PDGFD: variants seen among roughly 807,000 people sequenced by gnomAD.
The protein encoded by PDGFD is platelet derived growth factor D.
Under a neutral mutation model 44.7 loss-of-function variants are expected in PDGFD, and 30 were observed. The ratio of observed to expected loss-of-function variants is 0.67; its 90% CI spans 0.50 to 0.91. PDGFD has a LOEUF of 0.91. Among genes scored for constraint, PDGFD ranks in the 40% least tolerant of loss-of-function variants. PDGFD has a pLI of 0.00. For missense variants in PDGFD, 445 were observed against 457.8 expected (o/e 0.97, Z 0.25); for synonymous variants, 173 against 168.4 (o/e 1.03, Z -0.21).
chr11:104,015,016 T>G (rs1859839928), intron 1 of PDGFD, among the ~76,000 whole-genome samples: 1 of 152,226 alleles, frequency 6.6e-6, no homozygotes. Context: ...GGTCAAGTTC[T>G]CAATTCCTCT....
chr11:103,957,908 G>A (rs1858881776), intron 3 of PDGFD, among the ~76,000 whole-genome samples: 1 of 152,110 alleles, frequency 6.6e-6, no homozygotes, highest in Non-Finnish European at 1.5e-5. Flanking sequence ...ATGGTGTTTG[G>A]TGTATGGTGT....
intron 3 of PDGFD, among the ~76,000 whole-genome samples, chr11:103,984,808 AT>A (rs1188408562): frequency 6.9e-6 from 1 of 144,190 alleles, no homozygotes; most frequent in Admixed American, 7.2e-5. Flanking sequence ...TATTTAATAT[AT>A]TTATATTTAT....
At chr11:104,069,202 A>G (rs1438638719) in intron 1 of PDGFD, among the ~76,000 whole-genome samples, 1 of 152,200 alleles carries the variant, frequency 6.6e-6, no homozygotes, top group Non-Finnish European at 1.5e-5. Context: ...TGAAGAGCAC[A>G]GGTCAATTAT....
At chr11:104,013,739 T>G (rs1161334412) in intron 1 of PDGFD, among the ~76,000 whole-genome samples, 2 of 152,052 alleles carry the variant, frequency 1.3e-5, no homozygotes, top group African/African-American at 4.8e-5. Context: ...TTTTTGTTTT[T>G]CAATAGGTAG....
At chr11:103,917,271 A>G (rs1858141943) in intron 6 of PDGFD, among the ~76,000 whole-genome samples, 3 of 152,184 alleles carry the variant, frequency 2.0e-5, no homozygotes, top group African/African-American at 7.2e-5. Flanking sequence ...TTAAATCAAT[A>G]AGTATATCAT....
chr11:103,919,081 G>A (rs1425259189), intron 6 of PDGFD, among the ~76,000 whole-genome samples: 1 of 152,120 alleles, frequency 6.6e-6, no homozygotes, highest in Non-Finnish European at 1.5e-5. Flanking sequence ...TAACACCTAT[G>A]GGTGCAAATG....
intron 1 of PDGFD, among the ~76,000 whole-genome samples, chr11:104,128,329 G>C (rs1268099885): frequency 6.6e-6 from 1 of 152,102 alleles, no homozygotes. Context: ...TATCAAAAAT[G>C]CTGCATAGTA....
intron 4 of PDGFD, among the ~76,000 whole-genome samples, chr11:103,946,259 T>C (rs536877926): frequency 6.6e-6 from 1 of 152,348 alleles, no homozygotes; most frequent in African/African-American, 2.4e-5. Flanking sequence ...TCCAGAAAGT[T>C]CTTGAACAAT....
rs773128252 is a variant in PDGFD, at chr11:103,909,768, T to C, written c.1039A>G (p.Met347Val). 5.0e-6 allele frequency: 8 copies of C among 1,613,696 alleles called. No individual in the cohort carries two copies. Among genetic ancestry groups the C allele is most frequent in the Admixed American group, 3.3e-5 (2 of 60,020 alleles). The change falls in exon 7 of 7, where the codon ATG becomes GTG. Residue 347 changes from methionine to valine, a missense_variant. By Grantham distance (21) the Met-to-Val change is conservative. Coordinates refer to ENST00000393158, the MANE Select transcript of PDGFD (RefSeq NM_025208.5). The stretch of plus-strand genomic sequence containing the variant: ...TCCAACTGGATGTCAACTAGAGCCA[T>C]GGTCTTAGCTCTACCCCTCCTCTTG... ...HIKRRGRAKT[M>V]ALVDIQLDHH...
chr11:104,086,139 G>A (rs1330298736), intron 1 of PDGFD, among the ~76,000 whole-genome samples: 1 of 152,154 alleles, frequency 6.6e-6, no homozygotes, highest in African/African-American at 2.4e-5. Context: ...AGAGACTGTG[G>A]TGGTTTGGAC....
intron 6 of PDGFD, among the ~76,000 whole-genome samples, chr11:103,911,971 G>A (rs1858035715): frequency 6.6e-6 from 1 of 151,526 alleles, no homozygotes; most frequent in Non-Finnish European, 1.5e-5. Flanking sequence ...CAAGAATTAT[G>A]GGACTATGTG....
intron 5 of PDGFD, among the ~76,000 whole-genome samples, chr11:103,933,090 T>C (rs1302325093): frequency 2.0e-5 from 3 of 152,206 alleles, no homozygotes; most frequent in African/African-American, 4.8e-5. Flanking sequence ...CTAAGGAACA[T>C]TGCCTTTGTC....
chr11:104,037,414 C>A (rs770076972), intron 1 of PDGFD: 4 of 1,613,998 alleles, frequency 2.5e-6, no homozygotes, highest in Non-Finnish European at 3.4e-6. Flanking sequence ...GCAAGAGAGG[C>A]TTCGTCTCTA....
chr11:103,979,021 T>G (rs1859224404), intron 3 of PDGFD, among the ~76,000 whole-genome samples: 1 of 152,008 alleles, frequency 6.6e-6, no homozygotes, highest in South Asian at 2.1e-4. Flanking sequence ...AAATGGAGCT[T>G]TGCAGATGCT....
intron 3 of PDGFD, among the ~76,000 whole-genome samples, chr11:103,993,816 A>G (rs1859494689): frequency 6.6e-6 from 1 of 152,192 alleles, no homozygotes; most frequent in South Asian, 2.1e-4. Context: ...AGTGGGCCAT[A>G]TTTAAGGCCA....
At chr11:103,984,001 C>T (rs1427892379) in intron 3 of PDGFD, among the ~76,000 whole-genome samples, 1 of 151,566 alleles carries the variant, frequency 6.6e-6, no homozygotes, top group East Asian at 1.9e-4. Flanking sequence ...TGTGGTGACT[C>T]CTCAATGGCC....
intron 5 of PDGFD, among the ~76,000 whole-genome samples, chr11:103,938,239 T>C (rs1473178204): frequency 1.3e-5 from 2 of 152,244 alleles, no homozygotes; most frequent in South Asian, 2.1e-4. Context: ...TTTTAATGAT[T>C]GCCATTCTAA....
chr11:104,133,350 A>G (rs1388401623), intron 1 of PDGFD, among the ~76,000 whole-genome samples: 1 of 152,194 alleles, frequency 6.6e-6, no homozygotes, highest in Non-Finnish European at 1.5e-5. Context: ...AAGTTAAAGC[A>G]GTTTTTAAAT....
chr11:104,037,081 C>T lies in PDGFD; in HGVS notation c.125-36826G>A, dbSNP rs116347291. On this transcript the variant is annotated intron_variant, in intron 1 of 6. Coordinates refer to ENST00000393158, the MANE Select transcript of PDGFD (RefSeq NM_025208.5). The stretch of plus-strand genomic sequence containing the variant: ...CAATGTGGGACCTCGGGCTCCAGGG[C>T]GTGCCCCGAACCAGCCTCGTGTAGA... 1.7e-3 allele frequency: 2,698 copies of T among 1,614,198 alleles called. 38 individuals are homozygous for T. In the African/African-American group the frequency reaches 0.03, roughly 18 times the overall value.
Sources: allele counts gnomAD v4.1 joint callset (sites outside exome capture counted in the v4.1 genomes callset), GRCh38; gene constraint gnomAD v4.1.1; transcripts MANE v1.5; gene names NCBI Gene and HGNC (gene_info 2026-07-23, HGNC 2026-07-21).